The following KRABD3 variants were observed in gnomAD, a reference collection of about 807,000 sequenced individuals.
KRABD3 encodes the protein KRAB domain-containing protein 3.
the KRABD3 span, chr7:149,722,577 G>C: frequency 1.9e-6 from 3 of 1,593,678 alleles, no homozygotes; most frequent in Non-Finnish European, 2.6e-6. Flanking sequence ...TTTCCTTAGT[G>C]GGGTAGCGAT....
the KRABD3 span, among the ~76,000 whole-genome samples, chr7:149,717,668 C>T: frequency 2.6e-5 from 4 of 152,098 alleles, no homozygotes; most frequent in Non-Finnish European, 4.4e-5. Context: ...CAGGCAGTCA[C>T]GGGAGGGGCT....
the KRABD3 span, chr7:149,722,251 G>A: frequency 2.7e-6 from 1 of 370,038 alleles, no homozygotes; most frequent in Non-Finnish European, 3.7e-6. Context: ...TGAACCAACA[G>A]TCTTGCTGTT....
the KRABD3 span, among the ~76,000 whole-genome samples, chr7:149,717,874 C>T: frequency 2.2e-4 from 33 of 152,306 alleles, no homozygotes; most frequent in East Asian, 3.9e-3. Flanking sequence ...ATGTTGTGAC[C>T]TTGGCACACT....
At chr7:149,728,521 A>T in the KRABD3 span, 3 of 1,612,998 alleles carry the variant, frequency 1.9e-6, no homozygotes, top group Non-Finnish European at 2.5e-6. Flanking sequence ...TGATCTTCAC[A>T]GGAAGCCCAC....
At chr7:149,720,955 G>A in the KRABD3 span, 1 of 1,613,764 alleles carries the variant, frequency 6.2e-7, no homozygotes, top group Non-Finnish European at 8.5e-7. Flanking sequence ...GAGAGCCGGG[G>A]AGCCAGCCTG....
At chr7:149,724,317 C>T in the KRABD3 span, among the ~76,000 whole-genome samples, 4 of 152,188 alleles carry the variant, frequency 2.6e-5, no homozygotes, top group Admixed American at 6.5e-5. Flanking sequence ...CCGTGCATGT[C>T]ACCTCAGCTT....
the KRABD3 span, chr7:149,722,555 T>C: frequency 2.9e-6 from 4 of 1,357,890 alleles, no homozygotes; most frequent in African/African-American, 6.2e-5. Flanking sequence ...CAGAGGCCGG[T>C]GAGAGGCGGG....
chr7:149,724,725 G>C, the KRABD3 span: 1 of 1,552,124 alleles, frequency 6.4e-7, no homozygotes, highest in African/African-American at 1.4e-5. Flanking sequence ...TGAAGATGGA[G>C]AACAGCTGGG....
chr7:149,729,330 T>G, the KRABD3 span: 19 of 1,591,790 alleles, frequency 1.2e-5, no homozygotes, highest in Admixed American at 1.4e-4. Flanking sequence ...TCAAAGACCC[T>G]GGGGCCACCA....
the KRABD3 span, chr7:149,729,802 T>C: frequency 1.0e-6 from 1 of 985,310 alleles, no homozygotes. Context: ...TGCTGGCCCC[T>C]GTGAGATACT....
chr7:149,729,256 C>T, the KRABD3 span: 1 of 1,604,278 alleles, frequency 6.2e-7, no homozygotes, highest in Non-Finnish European at 8.5e-7. Flanking sequence ...CACCCGGAGC[C>T]TCCATCTGGT....
At chr7:149,722,752 C>T in the KRABD3 span, 109 of 1,578,482 alleles carry the variant, frequency 6.9e-5, no homozygotes, top group East Asian at 2.3e-3. Context: ...CAGGACTGCA[C>T]TGACCCAGGC....
the KRABD3 span, chr7:149,730,654 G>A: frequency 3.1e-5 from 45 of 1,470,660 alleles, no homozygotes; most frequent in Middle Eastern, 2.3e-4. Flanking sequence ...CCTGCCTGTC[G>A]CTTTGCCTGG....
the KRABD3 span, chr7:149,733,657 A>AG: frequency 1.9e-6 from 3 of 1,588,432 alleles, no homozygotes; most frequent in Non-Finnish European, 2.6e-6. Context: ...GTGACCTGCA[A>AG]GGACTCTCCA....
At chr7:149,725,466 A>G in the KRABD3 span, 6 of 1,610,398 alleles carry the variant, frequency 3.7e-6, no homozygotes, top group East Asian at 1.3e-4. Flanking sequence ...CTGAACTGCA[A>G]CCCCACAGAT....
At chr7:149,728,734 C>A in the KRABD3 span, 1 of 1,551,492 alleles carries the variant, frequency 6.4e-7, no homozygotes, top group Non-Finnish European at 8.8e-7. Flanking sequence ...ATGCCCTAGG[C>A]GCTGCACCTG....
chr7:149,715,397 G>T, the KRABD3 span: 1 of 1,107,998 alleles, frequency 9.0e-7, no homozygotes, highest in Non-Finnish European at 1.1e-6. Flanking sequence ...TGGATCCCGG[G>T]GGCTGGGGAC....
At chr7:149,720,430 G>A in the KRABD3 span, among the ~76,000 whole-genome samples, 2 of 152,176 alleles carry the variant, frequency 1.3e-5, no homozygotes, top group Non-Finnish European at 2.9e-5. Context: ...GTCCTGCCAC[G>A]AGGCTTACAT....
chr7:149,723,813 C>T, the KRABD3 span: 1 of 1,613,978 alleles, frequency 6.2e-7, no homozygotes, highest in Admixed American at 1.7e-5. Context: ...AGGCCCAGGA[C>T]AGGCATCCCA....
Sources: allele counts gnomAD v4.1 joint callset (sites outside exome capture counted in the v4.1 genomes callset), GRCh38; gene constraint gnomAD v4.1.1; transcripts MANE v1.5; gene names NCBI Gene and HGNC (gene_info 2026-07-23, HGNC 2026-07-21).